PPP2R3A: variants seen among roughly 807,000 people sequenced by gnomAD.
PPP2R3A encodes the protein serine/threonine-protein phosphatase 2A regulatory subunit B'' subunit alpha.
A neutral mutation model predicts 106.9 loss-of-function variants in PPP2R3A; 80 were observed. The ratio of observed to expected loss-of-function variants is 0.75; its 90% CI spans 0.62 to 0.90. The LOEUF (loss-of-function observed/expected upper bound fraction) is 0.90, where lower values mean the gene tolerates loss of function less well. Among genes scored for constraint, PPP2R3A ranks in the 40% least tolerant of loss-of-function variants. The pLI is 0.00. For missense variants in PPP2R3A, 1,386 were observed against 1,350.4 expected (o/e 1.03, Z -0.41); for synonymous variants, 483 against 468.3 (o/e 1.03, Z -0.41).
chr3:135,975,088 A>T (rs996554726), intron 1 of PPP2R3A, among the ~76,000 whole-genome samples: 3 of 152,146 alleles, frequency 2.0e-5, no homozygotes, highest in African/African-American at 7.2e-5. Flanking sequence ...TCTCAACATG[A>T]TACATCTTGG....
At chr3:136,051,429 A>G (rs572314605) in intron 5 of PPP2R3A, among the ~76,000 whole-genome samples, 4 of 152,244 alleles carry the variant, frequency 2.6e-5, no homozygotes, top group Non-Finnish European at 4.4e-5. Context: ...TCCTGGGTTC[A>G]ATTGATTGTC....
At chr3:136,024,367 G>C (rs1934576415) in intron 2 of PPP2R3A, among the ~76,000 whole-genome samples, 1 of 152,016 alleles carries the variant, frequency 6.6e-6, no homozygotes, top group East Asian at 1.9e-4. Context: ...GTATCCAAAA[G>C]CTCAAAATAA....
At chr3:136,048,665 T>A (rs534383865) in intron 4 of PPP2R3A, among the ~76,000 whole-genome samples, 17 of 140,724 alleles carry the variant, frequency 1.2e-4, no homozygotes, top group Non-Finnish European at 2.3e-4. Context: ...AGAGCAAAAC[T>A]CCGTCTCAAA....
chr3:136,042,771 A>G (rs1935331123), intron 4 of PPP2R3A, among the ~76,000 whole-genome samples: 1 of 152,136 alleles, frequency 6.6e-6, no homozygotes, highest in African/African-American at 2.4e-5. Context: ...CTCTAAATTA[A>G]AGTGTTATTT....
intron 10 of PPP2R3A, among the ~76,000 whole-genome samples, chr3:136,097,979 T>A (rs748468063): frequency 2.6e-5 from 4 of 152,244 alleles, no homozygotes; most frequent in African/African-American, 4.8e-5. Flanking sequence ...AGATATGATA[T>A]GACTGAACCT....
At chr3:136,041,259 T>TG (rs1365153371) in intron 4 of PPP2R3A, among the ~76,000 whole-genome samples, 12 of 122,708 alleles carry the variant, frequency 9.8e-5, no homozygotes, top group East Asian at 2.0e-4. Flanking sequence ...TGTTTTTTTT[T>TG]TTGTTTTTTT....
At chr3:135,993,806 G>A (rs560646747) in intron 1 of PPP2R3A, among the ~76,000 whole-genome samples, 6 of 152,240 alleles carry the variant, frequency 3.9e-5, no homozygotes, top group Admixed American at 6.5e-5. Context: ...GATAAATCTC[G>A]AAACTAAGTG....
intron 4 of PPP2R3A, among the ~76,000 whole-genome samples, chr3:136,048,501 GT>G (rs938447353): frequency 4.6e-5 from 7 of 152,008 alleles, no homozygotes; most frequent in African/African-American, 1.7e-4. Context: ...TGAAACCCCC[GT>G]CTCTACTAAA....
At chr3:135,983,372 T>C (rs1201446793) in intron 1 of PPP2R3A, among the ~76,000 whole-genome samples, 1 of 152,216 alleles carries the variant, frequency 6.6e-6, no homozygotes, top group Non-Finnish European at 1.5e-5. Context: ...TTCTGACTCA[T>C]CTGCGTCTGC....
intron 3 of PPP2R3A, among the ~76,000 whole-genome samples, chr3:136,027,582 T>TA (rs1025544217): frequency 6.6e-6 from 1 of 152,104 alleles, no homozygotes; most frequent in Non-Finnish European, 1.5e-5. Context: ...GCTTCTGAGT[T>TA]AAAATCTTAT....
chr3:136,061,926 CA>C (rs369373163), intron 5 of PPP2R3A, among the ~76,000 whole-genome samples: 1,104 of 84,108 alleles, frequency 0.013, 9 homozygotes, highest in Admixed American at 0.018. Context: ...GACTCTATCT[CA>C]AAAAAAAAAA....
chr3:136,039,651 C>T (rs971078604), intron 3 of PPP2R3A, among the ~76,000 whole-genome samples: 5 of 152,160 alleles, frequency 3.3e-5, no homozygotes, highest in Admixed American at 1.3e-4. Context: ...TGGTACTGCT[C>T]GCTCACCTGC....
intron 5 of PPP2R3A, among the ~76,000 whole-genome samples, chr3:136,058,675 C>T (rs11153193): frequency 2.2e-4 from 33 of 151,912 alleles, no homozygotes; most frequent in African/African-American, 4.6e-4. Context: ...TAATATGGAA[C>T]GAAAAAAGAG....
intron 1 of PPP2R3A, among the ~76,000 whole-genome samples, chr3:135,991,658 C>T (rs1350815820): frequency 6.6e-6 from 1 of 152,068 alleles, no homozygotes; most frequent in Non-Finnish European, 1.5e-5. Flanking sequence ...ACAAATTTTG[C>T]TTTTCTCATG....
intron 12 of PPP2R3A, among the ~76,000 whole-genome samples, chr3:136,105,980 A>T (rs538487547): frequency 1.1e-4 from 16 of 152,248 alleles, no homozygotes; most frequent in African/African-American, 3.6e-4. Context: ...AAAAAGAAAA[A>T]AGAAAAAAAT....
chr3:135,972,673 C>T (rs1450235846), intron 1 of PPP2R3A, among the ~76,000 whole-genome samples: 1 of 152,140 alleles, frequency 6.6e-6, no homozygotes, highest in South Asian at 2.1e-4. Context: ...AGTGGTGCCT[C>T]ATTGTGATTT....
At chr3:136,027,215 G>A in intron 3 of PPP2R3A, 117 bp downstream of exon 3, 2 of 928,052 alleles carry the variant, frequency 2.2e-6, no homozygotes, top group Non-Finnish European at 3.1e-6. Context: ...CTGTTTTTAA[G>A]CATGCATGGA....
chr3:136,063,108 A>G (rs1315529908), intron 5 of PPP2R3A, among the ~76,000 whole-genome samples: 2 of 152,210 alleles, frequency 1.3e-5, no homozygotes, highest in Admixed American at 6.5e-5. Flanking sequence ...GCCCTCAGAA[A>G]TAATGCCGCA....
At chr3:136,032,263 TTTTG>T (rs75455566) in intron 3 of PPP2R3A, among the ~76,000 whole-genome samples, 12 of 152,008 alleles carry the variant, frequency 7.9e-5, no homozygotes, top group South Asian at 2.1e-4. Context: ...TAAGTATGTT[TTTTG>T]TTTGTTTGTT....
Sources: allele counts gnomAD v4.1 joint callset (sites outside exome capture counted in the v4.1 genomes callset), GRCh38; gene constraint gnomAD v4.1.1; transcripts MANE v1.5; gene names NCBI Gene and HGNC (gene_info 2026-07-23, HGNC 2026-07-21).